Variants in OPCML observed in about 807,000 individuals in gnomAD.
OPCML encodes opioid binding protein/cell adhesion molecule like, also known as opioid-binding protein/cell adhesion molecule.
Under a neutral mutation model 37.8 loss-of-function variants are expected in OPCML, and 13 were observed. The observed-to-expected ratio is 0.34, with a 90% CI of 0.22 to 0.55. The LOEUF (loss-of-function observed/expected upper bound fraction) is 0.55, where lower values mean the gene tolerates loss of function less well. Ranked by LOEUF, OPCML falls within the 20% of genes least tolerant of loss-of-function variation. The probability of loss-of-function intolerance (pLI) is 0.91; values close to 1 mark genes in which losing one functional copy is unlikely to be tolerated. For missense variants in OPCML, 341 were observed against 435.6 expected (o/e 0.78, Z 1.93); for synonymous variants, 176 against 168.8 (o/e 1.04, Z -0.33).
intron 2 of OPCML, among the ~76,000 whole-genome samples, chr11:132,750,319 T>C (rs578186063): frequency 6.6e-6 from 1 of 152,328 alleles, no homozygotes; most frequent in Admixed American, 6.5e-5. Flanking sequence ...GCTATTAGCA[T>C]GTGTATGTCT....
chr11:132,861,637 C>A (rs1342006031), intron 2 of OPCML, among the ~76,000 whole-genome samples: 1 of 151,986 alleles, frequency 6.6e-6, no homozygotes, highest in Non-Finnish European at 1.5e-5. Flanking sequence ...GAGATTGAGA[C>A]CATCCTGGCT....
chr11:132,857,677 A>G (rs756670353), intron 2 of OPCML, among the ~76,000 whole-genome samples: 1 of 152,210 alleles, frequency 6.6e-6, no homozygotes, highest in Non-Finnish European at 1.5e-5. Context: ...AAGCAATGTC[A>G]TTCTTCTCAT....
chr11:133,153,206 G>A (rs1950011927), intron 1 of OPCML, among the ~76,000 whole-genome samples: 2 of 152,132 alleles, frequency 1.3e-5, no homozygotes, highest in Non-Finnish European at 2.9e-5. Context: ...AGCCTGCCCC[G>A]CAGCCAGATA....
At chr11:132,858,384 G>A (rs374893624) in intron 2 of OPCML, among the ~76,000 whole-genome samples, 31 of 152,272 alleles carry the variant, frequency 2.0e-4, no homozygotes, top group African/African-American at 7.5e-4. Flanking sequence ...CTGCCTGCAG[G>A]AGGCATGCAC....
At chr11:133,078,767 C>T (rs1053098279) in intron 1 of OPCML, among the ~76,000 whole-genome samples, 3 of 152,080 alleles carry the variant, frequency 2.0e-5, no homozygotes, top group Admixed American at 6.5e-5. Flanking sequence ...GAGGGCGCTC[C>T]GTGCCCGTGT....
At chr11:133,166,276 C>T (rs1472696366) in intron 1 of OPCML, among the ~76,000 whole-genome samples, 1 of 152,190 alleles carries the variant, frequency 6.6e-6, no homozygotes, top group South Asian at 2.1e-4. Context: ...TTCCTAGGTG[C>T]TAGGAGCTGT....
intron 2 of OPCML, among the ~76,000 whole-genome samples, chr11:132,659,135 A>T (rs546063761): frequency 2.8e-4 from 43 of 152,272 alleles, no homozygotes; most frequent in Middle Eastern, 3.4e-3. Flanking sequence ...AAATGAAGTC[A>T]TGTTATCTCC....
chr11:132,467,296 T>C (rs188026946), intron 4 of OPCML, among the ~76,000 whole-genome samples: 1 of 152,292 alleles, frequency 6.6e-6, no homozygotes, highest in East Asian at 1.9e-4. Flanking sequence ...AAAGCAAGAG[T>C]TCCCGTCACC....
At chr11:133,125,678 ATG>A (rs1949492660) in intron 1 of OPCML, among the ~76,000 whole-genome samples, 1 of 29,130 alleles carries the variant, frequency 3.4e-5, no homozygotes, top group African/African-American at 9.9e-5. Flanking sequence ...AGTATAGTAT[ATG>A]TATATAGTAT....
At chr11:133,519,248 C>G (rs553587213) in intron 1 of OPCML, among the ~76,000 whole-genome samples, 2 of 152,318 alleles carry the variant, frequency 1.3e-5, no homozygotes, top group African/African-American at 4.8e-5. Flanking sequence ...TCTGGCTTCC[C>G]TCTGCCACCT....
intron 2 of OPCML, among the ~76,000 whole-genome samples, chr11:132,706,453 T>C (rs971794246): frequency 3.3e-5 from 5 of 152,194 alleles, no homozygotes; most frequent in Non-Finnish European, 7.3e-5. Flanking sequence ...TGCACTTCCC[T>C]GCTTCTTGTA....
At chr11:132,560,922 A>G (rs1265822137) in intron 3 of OPCML, among the ~76,000 whole-genome samples, 1 of 152,086 alleles carries the variant, frequency 6.6e-6, no homozygotes, top group Non-Finnish European at 1.5e-5. Context: ...GCGTTTAATT[A>G]AGTCCTATCT....
chr11:133,185,143 A>T (rs1173751771), intron 1 of OPCML, among the ~76,000 whole-genome samples: 1 of 152,252 alleles, frequency 6.6e-6, no homozygotes, highest in African/African-American at 2.4e-5. Flanking sequence ...TCCACACTTT[A>T]TGAAGAGCTA....
chr11:133,532,494 G>A lies in OPCML; in HGVS notation c.-170C>T. On this transcript the variant is annotated 5_prime_UTR_variant, in exon 1 of 8. Coordinates refer to ENST00000524381, the MANE Select transcript of OPCML (RefSeq NM_001012393.5). ...CGCGAGAGATGGGAGCAGGCAGGCA[G>A]CGTCTCTGATTTCTTTTCTTGCACA... The A allele has an allele frequency of 1.4e-6, 1 of 723,074 alleles. No homozygotes were observed. The allele number at this position is 723,074 out of a possible 1,614,324, so 44.8% of individuals were successfully genotyped here. A position where few individuals can be genotyped will look rare whatever the true frequency, so the allele number is the denominator to read the frequency against.
intron 1 of OPCML, among the ~76,000 whole-genome samples, chr11:133,376,266 AC>A (rs1312987935): frequency 6.6e-6 from 1 of 152,220 alleles, no homozygotes; most frequent in African/African-American, 2.4e-5. Flanking sequence ...AAATGTAATA[AC>A]TAGAAGGAGG....
At chr11:132,636,318 G>A (rs1392882534) in intron 3 of OPCML, among the ~76,000 whole-genome samples, 1 of 152,126 alleles carries the variant, frequency 6.6e-6, no homozygotes. Context: ...GGTGCTTCAA[G>A]GTAAACATAC....
rs147450071 is a variant in OPCML at position 132,597,000 on chromosome 11, A to G, written c.379+60087T>C. Among the ~76,000 whole-genome samples the G allele has an allele frequency of 1.9e-3, 293 of 151,836 alleles. 2 individuals carry two copies. Among genetic ancestry groups the G allele is most frequent in the African/African-American group, 6.5e-3 (269 of 41,420 alleles). On this transcript the variant is annotated intron_variant, in intron 3 of 7. Coordinates refer to ENST00000524381, the MANE Select transcript of OPCML (RefSeq NM_001012393.5). ...ATATCACCACCCTCACCCCCAACCT[A>G]CTCCTTCTCTCATATAGAATCTATG...
intron 2 of OPCML, among the ~76,000 whole-genome samples, chr11:132,701,400 A>G (rs1311242333): frequency 6.6e-6 from 1 of 152,124 alleles, no homozygotes; most frequent in Non-Finnish European, 1.5e-5. Context: ...ATCAATGACC[A>G]TTTTTGTCTC....
chr11:133,128,705 A>G (rs776221690), intron 1 of OPCML, among the ~76,000 whole-genome samples: 2 of 152,174 alleles, frequency 1.3e-5, no homozygotes, highest in Non-Finnish European at 2.9e-5. Context: ...TGGAAAAGAT[A>G]CAGATTCCCA....
Sources: gnomAD v4.1 joint callset for allele counts (sites outside exome capture counted in the v4.1 genomes callset) on GRCh38, gnomAD v4.1.1 for gene constraint, MANE v1.5 for transcripts, NCBI Gene and HGNC (gene_info 2026-07-23, HGNC 2026-07-21) for gene names.